ZNF512B: variants seen among roughly 807,000 people sequenced by gnomAD.
ZNF512B encodes zinc finger protein 512B.
In ZNF512B, 22 loss-of-function variants were observed where a neutral mutation model predicts 87.8. The ratio of observed to expected loss-of-function variants is 0.25; its 90% CI spans 0.18 to 0.36. ZNF512B has a LOEUF of 0.36. ZNF512B is among the 10% of genes least tolerant of loss of function. The pLI, the probability that ZNF512B is intolerant of heterozygous loss-of-function variation, is 1.00. For missense variants in ZNF512B, 1,060 were observed against 1,231.6 expected (o/e 0.86, Z 2.09); for synonymous variants, 524 against 490.9 (o/e 1.07, Z -0.89).
At chr20:63,967,043 AC>A in intron 3 of ZNF512B, 39 bp from the exon 4 acceptor site, 3 of 1,610,342 alleles carry the variant, frequency 1.9e-6, no homozygotes, top group Non-Finnish European at 2.5e-6. Flanking sequence ...ACCCGCAGCC[AC>A]CTGGGCCACT....
intron 13 of ZNF512B, 67 bp downstream of exon 13, chr20:63,962,520 C>T: frequency 6.4e-7 from 1 of 1,560,938 alleles, no homozygotes; most frequent in African/African-American, 1.4e-5. Context: ...TGTCCCAAGT[C>T]TCAGGCCAAG....
At chr20:63,966,020 G>A (rs2058918947) in intron 5 of ZNF512B, 121 bp downstream of exon 5, 1 of 1,305,244 alleles carries the variant, frequency 7.7e-7, no homozygotes, top group Admixed American at 2.3e-5. Context: ...TCTCACCACT[G>A]TTCCCCGACC....
intron 1 of ZNF512B, 129 bp from the exon 2 acceptor site, chr20:63,968,081 T>G: frequency 8.1e-7 from 1 of 1,239,730 alleles, no homozygotes; most frequent in Non-Finnish European, 1.1e-6. Flanking sequence ...TTCCTGTGGT[T>G]TTGTTCACGT....
chr20:63,962,187 C>T, intron 14 of ZNF512B, 86 bp downstream of exon 14: 2 of 1,441,796 alleles, frequency 1.4e-6, no homozygotes, highest in Non-Finnish European at 1.9e-6. Context: ...TGAAAGCTCT[C>T]AGCCTCTGTT....
Position 63,964,080 on chromosome 20 carries a change from G to C in ZNF512B, c.1471C>G (p.Pro491Ala), listed in dbSNP as rs1270191740. 1 of 1,608,438 alleles carries C rather than the reference G, an allele frequency of 6.2e-7. No homozygotes were observed. The highest frequency in any genetic ancestry group is 1.3e-5 in the African/African-American group (1 of 74,862). The change falls in exon 8 of 17, where the codon CCA (proline) becomes GCA (alanine). Residue 491 changes from proline (P) to alanine (A), a missense_variant. Around this residue, in one of 9 missense-constraint regions of ZNF512B, gnomAD observed 212 missense variants for 207.6 expected, o/e 1.02. Coordinates refer to ENST00000369888, the MANE Select transcript of ZNF512B (RefSeq NM_020713.3). ...GCCAGGCAGCCCCTACCTGGAGCTG[G>C]GTGGGCCACAGGGGCCGGTGCCTCC... ...SKEAPAPVAH[P>A]APGGPEEQWQ... is the part of the protein sequence containing the mutation.
At chr20:63,962,154 C>T in intron 14 of ZNF512B, 119 bp downstream of exon 14, 2 of 1,301,444 alleles carry the variant, frequency 1.5e-6, no homozygotes, top group Non-Finnish European at 2.1e-6. Flanking sequence ...CATGTGAGGC[C>T]TGGGGTGGGC....
In ZNF512B at chr20:63,967,035, C is replaced by A. The variant is rs746306222; in HGVS notation, c.265-31G>T. On this transcript the variant is annotated intron_variant, in intron 3 of 16. Transcript: ENST00000369888. ...CGTGGGGAAAGGTGGTGCTGCTGACCCGCAGCCACCTGGGCCACTGCCAGC... is the reference window on the plus strand; with the variant it reads ...CGTGGGGAAAGGTGGTGCTGCTGACACGCAGCCACCTGGGCCACTGCCAGC... 1.9e-6 allele frequency: 3 copies of A among 1,611,532 alleles called. No homozygotes were observed. The South Asian group carries it at 3.3e-5, about 18-fold the overall frequency.
At position 63,969,922 on chromosome 20, in the gene ZNF512B, A is replaced by T. The variant is rs1389033145; in HGVS notation, c.-111T>A. The T allele has an allele frequency of 6.8e-6, 1 of 146,968 alleles. No individual in the cohort carries two copies. Among genetic ancestry groups the T allele is most frequent in the Admixed American group, 6.7e-5 (1 of 14,842 alleles). The allele number at this position is 146,968 out of a possible 1,614,324, so 9.1% of individuals were successfully genotyped here. A position where few individuals can be genotyped will look rare whatever the true frequency, so the allele number is the denominator to read the frequency against. On this transcript the variant is annotated 5_prime_UTR_variant, in exon 1 of 17. The change abolishes an upstream ATG in the 5' untranslated region. Transcript: ENST00000369888. ...GCAGGCTGCGCGCCGCGCTGCGCAC[A>T]TGCGCGCTCCCGCCCCTCCCACCTT...
chr20:63,967,086 C>A, intron 3 of ZNF512B, 82 bp from the exon 4 acceptor site: 1 of 1,585,702 alleles, frequency 6.3e-7, no homozygotes, highest in Non-Finnish European at 8.6e-7. Flanking sequence ...AGAGCCCCCC[C>A]GGGCCTGCAG....
At position 63,962,285 on chromosome 20, in the gene ZNF512B, G is replaced by A. The variant is rs756475640; in HGVS notation, c.2253C>T (p.Asn751=). ...KNEVKEKGHV[N]CPNDCCEAIY... is the part of the protein sequence containing the mutation. ...TGCCTCCGCTCACGTCGTTGGGACA[G>A]TTGACGTGGCCTTTCTCCTTCACTT... The change falls in exon 14 of 17, where the codon AAC becomes AAT. Residue 751 remains asparagine (N), a synonymous_variant. Transcript: ENST00000369888. The A allele has an allele frequency of 6.2e-7, 1 of 1,611,660 alleles. No homozygotes were observed. The highest frequency in any genetic ancestry group is 1.1e-5 in the South Asian group (1 of 91,066).
In ZNF512B at chr20:63,967,506, C is replaced by T. The variant is rs769608765; in HGVS notation, c.139G>A (p.Gly47Ser). Residue 47 changes from glycine (G) to serine (S), a missense_variant, in exon 3 of 17, where the codon GGT (glycine) becomes AGT (serine). Transcript: ENST00000369888. ...GCCTGGCCGGGCACTGTCTGTCCAC[C>T]ACGGACCACCGGCATCCCTGCAGCA... ...PPKMGMPVVRGGQTVPGQAPL... is the reference protein window; with the variant it reads ...PPKMGMPVVRSGQTVPGQAPL... The T allele has an allele frequency of 1.2e-6, 2 of 1,605,552 alleles. No individual in the cohort carries two copies. The highest frequency in any genetic ancestry group is 1.7e-6 in the Non-Finnish European group (2 of 1,175,430).
At position 63,960,155 on chromosome 20, in the gene ZNF512B, C is replaced by T. The variant is rs1477233612; in HGVS notation, c.2428-16G>A. The T allele has an allele frequency of 4.3e-6, 7 of 1,612,628 alleles. No homozygotes were observed. The highest frequency in any genetic ancestry group is 2.2e-5 in the East Asian group (1 of 44,880). ...GGAACCAGTTCTGGGGAGAGAAAAGCGCTGATGAAGACCTGGGACTGGATG... is the reference window on the plus strand; with the variant it reads ...GGAACCAGTTCTGGGGAGAGAAAAGTGCTGATGAAGACCTGGGACTGGATG... On this transcript the variant is annotated splice_polypyrimidine_tract_variant and intron_variant, in intron 16 of 16. Transcript: ENST00000369888.
chr20:63,967,765 G>A (rs1378119202), intron 2 of ZNF512B, 65 bp downstream of exon 2: 37 of 1,577,596 alleles, frequency 2.3e-5, no homozygotes, highest in Non-Finnish European at 3.2e-5. Context: ...CCAGGGCAAT[G>A]GTCCACTCCT....
rs2058850541 is a variant in ZNF512B at position 63,961,498 on chromosome 20, G to A, written c.2329-91C>T. ...TCATGGCTAAAGGGTCAGAGTCAGC[G>A]GTGGCCCAAGGAAAGCTGTGGCTGT... On this transcript the variant is annotated intron_variant, in intron 15 of 16. Transcript: ENST00000369888. The surrounding 1 kb of genome is among the most constrained non-coding windows in gnomAD (Gnocchi z 6.4). 10 of 1,230,254 alleles carry A rather than the reference G, an allele frequency of 8.1e-6. No individual in the cohort carries two copies. The highest frequency in any genetic ancestry group is 3.6e-5 in the Admixed American group (2 of 55,026). The allele number at this position is 1,230,254 out of a possible 1,614,324, so 76.2% of individuals were successfully genotyped here. A position where few individuals can be genotyped will look rare whatever the true frequency, so the allele number is the denominator to read the frequency against.
Sources: gnomAD v4.1 joint callset for allele counts on GRCh38, gnomAD v4.1.1 for gene constraint, gnomAD v4.1.1 regional missense constraint, Gnocchi (gnomAD v3.1) non-coding constraint, MANE v1.5 for transcripts, NCBI Gene and HGNC (gene_info 2026-07-23, HGNC 2026-07-21) for gene names.